The following TRAF3 variants were observed in gnomAD, a reference collection of about 807,000 sequenced individuals.
TRAF3 encodes TNF receptor associated factor 3, also known as TNF receptor-associated factor 3.
In TRAF3, 13 loss-of-function variants were observed where a neutral mutation model predicts 62.3. That is an observed-to-expected ratio of 0.21 (90% confidence interval 0.14 to 0.33). TRAF3 has a LOEUF of 0.33. Among genes scored for constraint, TRAF3 ranks in the 10% least tolerant of loss-of-function variants. The pLI, the probability that TRAF3 is intolerant of heterozygous loss-of-function variation, is 1.00. For synonymous variants in TRAF3, 269 were observed against 283.4 expected, an observed-to-expected ratio of 0.95 and a Z score of 0.51; for missense variants, 440 against 741.8, an observed-to-expected ratio of 0.59 and a Z score of 4.73.
At chr14:102,792,691 T>G (rs1455533298) in intron 1 of TRAF3, among the ~76,000 whole-genome samples, 1 of 152,104 alleles carries the variant, frequency 6.6e-6, no homozygotes. Flanking sequence ...ATTGATTTTG[T>G]TTTGTATGTT....
chr14:102,858,751 A>G (rs182054006), intron 2 of TRAF3, among the ~76,000 whole-genome samples: 7 of 152,356 alleles, frequency 4.6e-5, no homozygotes, highest in Admixed American at 6.5e-5. Flanking sequence ...CATACCAATA[A>G]CATATTTATA....
chr14:102,827,031 C>T (rs1475498572), intron 1 of TRAF3, among the ~76,000 whole-genome samples: 1 of 152,172 alleles, frequency 6.6e-6, no homozygotes, highest in Non-Finnish European at 1.5e-5. Context: ...CGGCCACAGG[C>T]GTGCAAGGTC....
At chr14:102,878,379 T>G (rs1595388127) in intron 6 of TRAF3, among the ~76,000 whole-genome samples, 5 of 99,216 alleles carry the variant, frequency 5.0e-5, no homozygotes, top group African/African-American at 4.1e-5. Context: ...TGTGTGGGGG[T>G]GAGTGTGAAT....
At chr14:102,803,473 CT>C (rs1898573379) in intron 1 of TRAF3, among the ~76,000 whole-genome samples, 1 of 152,150 alleles carries the variant, frequency 6.6e-6, no homozygotes, top group African/African-American at 2.4e-5. Flanking sequence ...TACTTACCCC[CT>C]GGAGTGTGAG....
intron 6 of TRAF3, among the ~76,000 whole-genome samples, chr14:102,883,493 G>GA (rs1249527916): frequency 6.6e-6 from 1 of 152,206 alleles, no homozygotes; most frequent in Non-Finnish European, 1.5e-5. Context: ...TGAGATGGGA[G>GA]AGGTAGGTGC....
At position 102,909,465 on chromosome 14, in the gene TRAF3, G is replaced by C. The variant is rs1890752582; in HGVS notation, c.*3681G>C. ...TGCCACAACAGCCAGTTGAACAGGG[G>C]AGCCCTTTGCTCAGGCAGCTTCTCC... On this transcript the variant is annotated 3_prime_UTR_variant, in exon 12 of 12. Coordinates refer to ENST00000392745, the MANE Select transcript of TRAF3 (RefSeq NM_145725.3). 6.6e-6 allele frequency: 1 copy of C among 152,598 alleles called. No homozygotes were observed. The highest frequency in any genetic ancestry group is 2.1e-4 in the South Asian group (1 of 4,844). The allele number at this position is 152,598 out of a possible 1,614,324, so 9.5% of individuals were successfully genotyped here.
intron 1 of TRAF3, among the ~76,000 whole-genome samples, chr14:102,810,496 A>C (rs1184662821): frequency 2.0e-5 from 3 of 152,106 alleles, no homozygotes; most frequent in Non-Finnish European, 2.9e-5. Flanking sequence ...TTTTTTTCTG[A>C]GATGTGCTCT....
rs147664767 is a variant in TRAF3 at position 102,788,966 on chromosome 14, A to G, written c.-157+11291A>G. Among the ~76,000 whole-genome samples the G allele has an allele frequency of 1.8e-4, 27 of 152,272 alleles. No individual in the cohort carries two copies. The East Asian group carries it at 2.1e-3, about 12-fold the overall frequency. On this transcript the variant is annotated intron_variant, in intron 1 of 11. Transcript: ENST00000392745. ...AGCCTGAAGGACAGATGGAGAACCT[A>G]TCTCTTAAAAAAGAAAAACAACTTT...
intron 1 of TRAF3, among the ~76,000 whole-genome samples, chr14:102,811,551 T>TG (rs397852567): frequency 2.0e-3 from 37 of 18,504 alleles, no homozygotes; most frequent in Middle Eastern, 0.083. Flanking sequence ...CTGTAGGCGG[T>TG]TTTTTTTTTT....
At chr14:102,790,261 A>G (rs573481808) in intron 1 of TRAF3, among the ~76,000 whole-genome samples, 34 of 152,282 alleles carry the variant, frequency 2.2e-4, no homozygotes, top group Non-Finnish European at 1.3e-4. Context: ...AGCACCATTT[A>G]TTGAAAACAC....
chr14:102,885,285 C>T (rs1372530252), intron 6 of TRAF3, among the ~76,000 whole-genome samples: 1 of 152,228 alleles, frequency 6.6e-6, no homozygotes, highest in African/African-American at 2.4e-5. Flanking sequence ...TCCCCAGTTC[C>T]TTCAGCAGAA....
At chr14:102,866,995 G>C (rs903247354) in intron 2 of TRAF3, among the ~76,000 whole-genome samples, 11 of 152,182 alleles carry the variant, frequency 7.2e-5, no homozygotes, top group Admixed American at 7.2e-4. Flanking sequence ...AGGATAAGGG[G>C]CATAAAGACC....
At chr14:102,782,536 G>C (rs931948428) in intron 1 of TRAF3, among the ~76,000 whole-genome samples, 1 of 152,070 alleles carries the variant, frequency 6.6e-6, no homozygotes, top group African/African-American at 2.4e-5. Flanking sequence ...CCCTGTCTTG[G>C]CTCTAAAATT....
intron 2 of TRAF3, among the ~76,000 whole-genome samples, chr14:102,842,169 G>A (rs543771108): frequency 1.1e-4 from 17 of 150,802 alleles, no homozygotes; most frequent in African/African-American, 3.2e-4. Context: ...ACTTGAACCC[G>A]GGAGGTGGAG....
intron 1 of TRAF3, among the ~76,000 whole-genome samples, chr14:102,782,794 A>G (rs1057215890): frequency 2.6e-5 from 4 of 152,108 alleles, no homozygotes; most frequent in African/African-American, 7.2e-5. Flanking sequence ...CTGCTTGGAC[A>G]TTCTGATTTC....
intron 2 of TRAF3, among the ~76,000 whole-genome samples, chr14:102,834,967 A>C (rs1885905950): frequency 6.6e-6 from 1 of 152,240 alleles, no homozygotes; most frequent in Non-Finnish European, 1.5e-5. Context: ...CATACATCTT[A>C]CAGCATGGGA....
chr14:102,900,865 G>C (rs1890260898), intron 10 of TRAF3, among the ~76,000 whole-genome samples: 1 of 152,234 alleles, frequency 6.6e-6, no homozygotes, highest in Non-Finnish European at 1.5e-5. Flanking sequence ...CTTCAGCTCT[G>C]TGTCGGAGTC....
At chr14:102,880,204 C>T (rs1003113787) in intron 6 of TRAF3, among the ~76,000 whole-genome samples, 2 of 152,114 alleles carry the variant, frequency 1.3e-5, no homozygotes, top group African/African-American at 4.8e-5. Context: ...CCAGGCTGTG[C>T]ATAATGGCTC....
intron 2 of TRAF3, among the ~76,000 whole-genome samples, chr14:102,847,898 A>T (rs1000598863): frequency 1.1e-4 from 16 of 151,976 alleles, no homozygotes; most frequent in Admixed American, 5.2e-4. Flanking sequence ...ACCAGTATTA[A>T]ACTGAAAATA....
Sources: allele counts gnomAD v4.1 joint callset (sites outside exome capture counted in the v4.1 genomes callset), GRCh38; gene constraint gnomAD v4.1.1; transcripts MANE v1.5; gene names NCBI Gene and HGNC (gene_info 2026-07-23, HGNC 2026-07-21).